Variants in CPPED1 observed in about 807,000 individuals in gnomAD.
CPPED1 encodes serine/threonine-protein phosphatase CPPED1.
CPPED1 carries 28 observed loss-of-function variants against 28.0 expected under a neutral mutation model. The ratio of observed to expected loss-of-function variants is 1.00; its 90% CI spans 0.74 to 1.37. CPPED1 has a LOEUF of 1.37. CPPED1 is among the 40% of genes most tolerant of loss of function. The pLI is 0.00. For synonymous variants in CPPED1, 198 were observed against 180.2 expected (o/e 1.10, Z -0.79); for missense variants, 504 against 416.5 (o/e 1.21, Z -1.83).
In CPPED1 at chr16:12,664,445, G is replaced by A. The variant is rs906585086; in HGVS notation, c.*441C>T. On this transcript the variant is annotated 3_prime_UTR_variant, in exon 4 of 4. Coordinates refer to ENST00000381774, the MANE Select transcript of CPPED1 (RefSeq NM_018340.3). This position sits in a 1 kb window ranked among gnomAD's most constrained non-coding sequence, Gnocchi z 4.2. ...GGAGATGAACTTTGTTTTGCCTAGCGTTTTGGGAATCGTGACCACAATTTA... is the reference window on the plus strand; with the variant it reads ...GGAGATGAACTTTGTTTTGCCTAGCATTTTGGGAATCGTGACCACAATTTA... 6 of 1,007,838 alleles carry A rather than the reference G, an allele frequency of 6.0e-6. No individual in the cohort carries two copies. Among genetic ancestry groups the A allele is most frequent in the Admixed American group, 6.1e-5 (1 of 16,382 alleles). 62.4% of individuals were successfully genotyped at this position (1,007,838 alleles called of 1,614,324 possible).
chr16:12,772,682 G>C (rs1324799751), intron 2 of CPPED1, among the ~76,000 whole-genome samples: 2 of 152,196 alleles, frequency 1.3e-5, no homozygotes, highest in Non-Finnish European at 2.9e-5. Context: ...ATGTGCGAAA[G>C]TTAACTCGGG....
chr16:12,782,148 T>G (rs2080535527), intron 1 of CPPED1, among the ~76,000 whole-genome samples: 1 of 152,040 alleles, frequency 6.6e-6, no homozygotes, highest in African/African-American at 2.4e-5. Flanking sequence ...CAAAGCTTTG[T>G]GGGTCTTAGG....
intron 2 of CPPED1, among the ~76,000 whole-genome samples, chr16:12,715,711 A>G (rs2080103630): frequency 6.6e-6 from 1 of 152,022 alleles, no homozygotes; most frequent in Admixed American, 6.6e-5. Context: ...TACTTTTAGT[A>G]GAGACGGAGT....
intron 2 of CPPED1, among the ~76,000 whole-genome samples, chr16:12,717,736 G>A (rs1321575690): frequency 2.0e-5 from 3 of 152,048 alleles, no homozygotes; most frequent in African/African-American, 7.2e-5. Flanking sequence ...CCACCTCCTG[G>A]GTTCAAGTGA....
At chr16:12,691,028 T>C (rs979552265) in intron 3 of CPPED1, among the ~76,000 whole-genome samples, 5 of 152,176 alleles carry the variant, frequency 3.3e-5, no homozygotes, top group African/African-American at 9.7e-5. Flanking sequence ...GTGCCCACGG[T>C]GCATTCTGCT....
intron 1 of CPPED1, among the ~76,000 whole-genome samples, chr16:12,791,856 A>G (rs796696236): frequency 4.6e-5 from 7 of 152,210 alleles, no homozygotes; most frequent in African/African-American, 1.4e-4. Flanking sequence ...GCATCAGTCA[A>G]TATTTGGTGA....
rs146269832 is a variant in CPPED1 at position 12,736,050 on chromosome 16, G to A, written c.290-31001C>T. ...GATCCCCTGGGCCCTGGAGCCTGAC[G>A]GAGCTTGGTGCCTGGCACTTCTGTA... On this transcript the variant is annotated intron_variant, in intron 2 of 3. Coordinates refer to ENST00000381774, the MANE Select transcript of CPPED1 (RefSeq NM_018340.3). Among the ~76,000 whole-genome samples the A allele has an allele frequency of 9.2e-5, 14 of 152,226 alleles. No homozygotes were observed. In the East Asian group the frequency reaches 2.1e-3, roughly 23 times the overall value.
chr16:12,690,726 T>TA (rs946893936), intron 3 of CPPED1, among the ~76,000 whole-genome samples: 1 of 146,780 alleles, frequency 6.8e-6, no homozygotes, highest in African/African-American at 2.5e-5. Context: ...ACAATTCACA[T>TA]ACTCAAGATG....
intron 2 of CPPED1, among the ~76,000 whole-genome samples, chr16:12,778,108 C>T (rs1267742109): frequency 6.6e-6 from 1 of 151,722 alleles, no homozygotes; most frequent in Non-Finnish European, 1.5e-5. Flanking sequence ...TGGGGTTTCA[C>T]CATGTTGGCC....
chr16:12,681,674 G>GA (rs1354518979), intron 3 of CPPED1, among the ~76,000 whole-genome samples: 3 of 152,150 alleles, frequency 2.0e-5, no homozygotes, highest in Non-Finnish European at 4.4e-5. Context: ...GCTTCATTAG[G>GA]ATGTAAGTAG....
intron 3 of CPPED1, among the ~76,000 whole-genome samples, chr16:12,668,762 C>T (rs567725016): frequency 6.6e-6 from 1 of 152,174 alleles, no homozygotes; most frequent in Non-Finnish European, 1.5e-5. Flanking sequence ...TAGGGAAATG[C>T]GATTAGCGAC....
rs1182224729 is a variant in CPPED1, at chr16:12,662,661, TTAAGA to T, written c.*2220_*2224del. ...ACTTTCTACTTCTAAGTTATTTCACTTAAGATAACAGCCTCCAGTTCCATCCAGGT... is the reference window on the plus strand; with the variant it reads ...ACTTTCTACTTCTAAGTTATTTCACTTAACAGCCTCCAGTTCCATCCAGGT... On this transcript the variant is annotated 3_prime_UTR_variant, in exon 4 of 4. Coordinates refer to ENST00000381774, the MANE Select transcript of CPPED1 (RefSeq NM_018340.3). 1 of 152,252 alleles carries T rather than the reference TTAAGA, an allele frequency of 6.6e-6. No homozygotes were observed. Among genetic ancestry groups the T allele is most frequent in the African/African-American group, 2.4e-5 (1 of 41,470 alleles). The allele number at this position is 152,252 out of a possible 1,614,324, so 9.4% of individuals were successfully genotyped here. A position where few individuals can be genotyped will look rare whatever the true frequency, so the allele number is the denominator to read the frequency against.
chr16:12,750,853 AGC>A (rs1209294216), intron 2 of CPPED1, among the ~76,000 whole-genome samples: 2 of 152,082 alleles, frequency 1.3e-5, no homozygotes, highest in Non-Finnish European at 2.9e-5. Context: ...TGTCTATACC[AGC>A]TACTCGGGAG....
At chr16:12,708,563 A>G (rs1004154751) in intron 2 of CPPED1, among the ~76,000 whole-genome samples, 3 of 152,192 alleles carry the variant, frequency 2.0e-5, no homozygotes, top group African/African-American at 7.2e-5. Context: ...TTCAGAAGGA[A>G]TGAAAATCTT....
chr16:12,750,861 G>A (rs1041000748), intron 2 of CPPED1, among the ~76,000 whole-genome samples: 4 of 152,022 alleles, frequency 2.6e-5, no homozygotes, highest in East Asian at 3.9e-4. Context: ...CCAGCTACTC[G>A]GGAGGCTGAG....
chr16:12,753,602 T>G (rs1397012502), intron 2 of CPPED1, among the ~76,000 whole-genome samples: 1 of 152,126 alleles, frequency 6.6e-6, no homozygotes, highest in Non-Finnish European at 1.5e-5. Context: ...CTACTCTTCC[T>G]GTCCCTGGAT....
rs73508454 is a variant in CPPED1, at chr16:12,784,978, G to A, written c.71-3575C>T. ...CAGATTTGACCTAAAATAAACGACA[G>A]CTCACATATCAGTATTCAATCTACC... On this transcript the variant is annotated intron_variant, in intron 1 of 3. Transcript: ENST00000381774. 2.6e-3 allele frequency among the ~76,000 whole-genome samples: 392 copies of A among 152,226 alleles called. 10 individuals are homozygous for A. Among genetic ancestry groups the A allele is most frequent in the Admixed American group, 3.9e-3 (59 of 15,284 alleles).
At chr16:12,727,930 A>G (rs996888567) in intron 2 of CPPED1, among the ~76,000 whole-genome samples, 12 of 152,344 alleles carry the variant, frequency 7.9e-5, no homozygotes, top group Admixed American at 7.8e-4. Context: ...GGCTGCCTGG[A>G]ATGCAACTAT....
At chr16:12,770,858 G>C (rs987670594) in intron 2 of CPPED1, among the ~76,000 whole-genome samples, 3 of 127,714 alleles carry the variant, frequency 2.3e-5, no homozygotes, top group African/African-American at 8.5e-5. Flanking sequence ...AGGAAAGGGA[G>C]AGAAGGAAAG....
Sources: gnomAD v4.1 joint callset for allele counts (sites outside exome capture counted in the v4.1 genomes callset) on GRCh38, gnomAD v4.1.1 for gene constraint, Gnocchi (gnomAD v3.1) non-coding constraint, MANE v1.5 for transcripts, NCBI Gene and HGNC (gene_info 2026-07-23, HGNC 2026-07-21) for gene names.